Variants in CDC25B observed in about 807,000 individuals in gnomAD.
CDC25B encodes cell division cycle 25B.
CDC25B carries 33 observed loss-of-function variants against 69.8 expected under a neutral mutation model. The observed-to-expected ratio is 0.47, with a 90% CI of 0.36 to 0.63. CDC25B has a LOEUF of 0.63. Among genes scored for constraint, CDC25B ranks in the 30% least tolerant of loss-of-function variants. The pLI, the probability that CDC25B is intolerant of heterozygous loss-of-function variation, is 0.00. For synonymous variants in CDC25B, 341 were observed against 314.6 expected (o/e 1.08, Z -0.89); for missense variants, 727 against 809.1 (o/e 0.90, Z 1.23).
chr20:3,786,969 T>C, exon 1 of CDC25B: 1 of 532,618 alleles, frequency 1.9e-6, no homozygotes, highest in Non-Finnish European at 3.2e-6. Context: ...GGTGCATCGC[T>C]ACTGCGCCCG....
intron 3 of CDC25B, among the ~76,000 whole-genome samples, chr20:3,798,680 G>A (rs143265821): frequency 2.0e-5 from 3 of 152,326 alleles, no homozygotes; most frequent in East Asian, 3.9e-4. Context: ...CCAACCGAGT[G>A]TGGGCTCAGG....
In CDC25B at chr20:3,796,365, GCAT is replaced by G; in HGVS notation, c.-165_-163del. ...GCGTCCCTCGCCCCCCGCCCTCCCC[GCAT>G]CCCTCTCCTCCCTCGCGCCTGGCCC... On this transcript the variant is annotated 5_prime_UTR_variant, in exon 1 of 16. Coordinates refer to ENST00000245960, the MANE Select transcript of CDC25B (RefSeq NM_021873.4). 2.7e-6 allele frequency: 2 copies of G among 730,256 alleles called. No individual in the cohort carries two copies. The highest frequency in any genetic ancestry group is 3.2e-6 in the Non-Finnish European group (2 of 629,410). The allele number at this position is 730,256 out of a possible 1,614,324, so 45.2% of individuals were successfully genotyped here. A position where few individuals can be genotyped will look rare whatever the true frequency, so the allele number is the denominator to read the frequency against.
chr20:3,799,525 T>TGTGC lies in CDC25B; in HGVS notation c.381-762_381-761insTGCG, dbSNP rs1211874383. Among the ~76,000 whole-genome samples the TGTGC allele has an allele frequency of 8.6e-3, 590 of 68,702 alleles. 6 individuals are homozygous for TGTGC. Among genetic ancestry groups the TGTGC allele is most frequent in the Middle Eastern group, 0.079 (10 of 126 alleles). 45.1% of individuals were successfully genotyped at this position (68,702 alleles called of 152,430 possible). A position where few individuals can be genotyped will look rare whatever the true frequency, so the allele number is the denominator to read the frequency against. On this transcript the variant is annotated intron_variant, in intron 3 of 15. Coordinates refer to ENST00000245960, the MANE Select transcript of CDC25B (RefSeq NM_021873.4). ...GTGTGTGTGTGTGTGTGTGTGTGTG[T>TGTGC]GCGCGCGCGCGCGTAGATGCACAAA... is the stretch of plus-strand genomic sequence containing the variant.
chr20:3,796,462 C>T lies in CDC25B; in HGVS notation c.-70C>T. On this transcript the variant is annotated 5_prime_UTR_variant, in exon 1 of 16. Coordinates refer to ENST00000245960, the MANE Select transcript of CDC25B (RefSeq NM_021873.4). Reference sequence around the variant, plus strand: ...CGCCCGCTGCCTCCCTCGGCCCAGCCAGCTGTGCCGGCGTTTGTTGGCTGC... The same window carrying T: ...CGCCCGCTGCCTCCCTCGGCCCAGCTAGCTGTGCCGGCGTTTGTTGGCTGC... 7.4e-6 allele frequency: 9 copies of T among 1,211,586 alleles called. No individual in the cohort carries two copies. The highest frequency in any genetic ancestry group is 9.4e-6 in the Non-Finnish European group (9 of 962,132). 75.1% of individuals were successfully genotyped at this position (1,211,586 alleles called of 1,614,324 possible).
chr20:3,801,225 A>AG, intron 7 of CDC25B, 29 bp from the exon 8 acceptor site: 2 of 1,611,210 alleles, frequency 1.2e-6, no homozygotes, highest in Non-Finnish European at 1.7e-6. Context: ...CTCCACCTCT[A>AG]AGTCTGTGTC....
At chr20:3,795,243 C>T (rs560458376), upstream of CDC25B, among the ~76,000 whole-genome samples, 3 of 152,204 alleles carry the variant, frequency 2.0e-5, no homozygotes, top group African/African-American at 7.2e-5. Context: ...CTCCTGTAGT[C>T]TCAGCTACTC....
intron 8 of CDC25B, 46 bp from the exon 9 acceptor site, chr20:3,801,676 C>T (rs777285709): frequency 3.4e-6 from 5 of 1,459,730 alleles, no homozygotes; most frequent in Non-Finnish European, 2.8e-6. Context: ...AGGGGTTTGG[C>T]CTATGCCTGT....
At chr20:3,798,162 G>A (rs996358437) in intron 2 of CDC25B, among the ~76,000 whole-genome samples, 2 of 152,156 alleles carry the variant, frequency 1.3e-5, no homozygotes, top group Non-Finnish European at 2.9e-5. Flanking sequence ...AATGCTTAGT[G>A]AGCATTGTGG....
chr20:3,800,918 G>A, intron 6 of CDC25B, 53 bp downstream of exon 6: 3 of 1,612,330 alleles, frequency 1.9e-6, no homozygotes, highest in Non-Finnish European at 2.5e-6. Flanking sequence ...GAGGGGGCAT[G>A]CTGGGGTGGT....
At chr20:3,798,268 G>C in intron 2 of CDC25B, 144 bp from the exon 3 acceptor site, 1 of 490,712 alleles carries the variant, frequency 2.0e-6, no homozygotes, top group Non-Finnish European at 3.5e-6. Flanking sequence ...GTCCATGGTT[G>C]GGTTTTTGTT....
chr20:3,805,916 T>C lies in CDC25B; in HGVS notation c.*955T>C. On this transcript the variant is annotated 3_prime_UTR_variant, in exon 16 of 16. Transcript: ENST00000245960. ...TGACAGCCTGCAGCAGGAATATATG[T>C]GTGCCTATTTGTGTGGACAAAAATA... The C allele has an allele frequency of 5.0e-6, 2 of 403,230 alleles. No homozygotes were observed. Among genetic ancestry groups the C allele is most frequent in the East Asian group, 7.1e-5 (2 of 28,286 alleles). The allele number at this position is 403,230 out of a possible 1,614,324, so 25.0% of individuals were successfully genotyped here. A position where few individuals can be genotyped will look rare whatever the true frequency, so the allele number is the denominator to read the frequency against.
chr20:3,789,664 C>A (rs2088879928), intron 1 of CDC25B, among the ~76,000 whole-genome samples: 1 of 138,006 alleles, frequency 7.2e-6, no homozygotes, highest in Admixed American at 7.4e-5. Context: ...AGCCACCTCA[C>A]CCGGCCAAAA....
chr20:3,797,910 A>G (rs961446185), intron 2 of CDC25B, among the ~76,000 whole-genome samples, 161 bp downstream of exon 2: 1 of 152,120 alleles, frequency 6.6e-6, no homozygotes, highest in Admixed American at 6.5e-5. Flanking sequence ...GGAGGAAGAC[A>G]CACCTCTTGT....
chr20:3,791,757 A>C (rs2088918085), upstream of CDC25B, among the ~76,000 whole-genome samples: 1 of 152,234 alleles, frequency 6.6e-6, no homozygotes, highest in African/African-American at 2.4e-5. Context: ...TAGATAGCAC[A>C]CAGACACATA....
chr20:3,796,145 T>C, upstream of CDC25B: 1 of 1,101,576 alleles, frequency 9.1e-7, no homozygotes, highest in Non-Finnish European at 1.1e-6. Flanking sequence ...TCTTAATTCC[T>C]CCGGCCCACC....
At chr20:3,789,610 A>C (rs2088879349) in intron 1 of CDC25B, among the ~76,000 whole-genome samples, 1 of 152,140 alleles carries the variant, frequency 6.6e-6, no homozygotes, top group Non-Finnish European at 1.5e-5. Flanking sequence ...ACCTCAAGTG[A>C]TCTGCCTACC....
Position 3,796,424 on chromosome 20 carries a change from C to CT in CDC25B, c.-108_-107insT, listed in dbSNP as rs1367296477. On this transcript the variant is annotated 5_prime_UTR_variant, in exon 1 of 16. Coordinates refer to ENST00000245960, the MANE Select transcript of CDC25B (RefSeq NM_021873.4). Reference sequence around the variant, plus strand: ...CTCTTCCTCCCTCCCTCCTTCCCCCCCCCCCCACCCCTCGCCCGCTGCCTC... The same window carrying CT: ...CTCTTCCTCCCTCCCTCCTTCCCCCCTCCCCCCACCCCTCGCCCGCTGCCTC... 1.6e-4 allele frequency: 29 copies of CT among 181,018 alleles called. No individual in the cohort carries two copies. The highest frequency in any genetic ancestry group is 2.7e-4 in the Non-Finnish European group (27 of 100,304). The allele number at this position is 181,018 out of a possible 1,614,324, so 11.2% of individuals were successfully genotyped here. A position where few individuals can be genotyped will look rare whatever the true frequency, so the allele number is the denominator to read the frequency against.
Position 3,803,027 on chromosome 20 carries a change from G to A in CDC25B, c.1257+55G>A. 10 of 1,599,984 alleles carry A rather than the reference G, an allele frequency of 6.3e-6. No individual in the cohort carries two copies. The highest frequency in any genetic ancestry group is 8.6e-6 in the Non-Finnish European group (10 of 1,167,092). On this transcript the variant is annotated intron_variant, in intron 12 of 15. Transcript: ENST00000245960. This position sits in a 1 kb window ranked among gnomAD's most constrained non-coding sequence, Gnocchi z 4.9. ...GATTTGGGACTGTAGCTCCATTGTT[G>A]ACCTTCCCTGGGGACAGGCTAGGGC...
In CDC25B at chr20:3,802,346, C is replaced by T; in HGVS notation, c.1164C>T (p.Asp388=). ...HDEIENLLDS[D]HRELIGDYSK... ...AGATCGAGAACCTCCTGGACAGTGA[C>T]CACCGAGAGCTGATTGGAGATTACT... Residue 388 remains aspartate, a synonymous_variant, in exon 11 of 16, where the codon GAC becomes GAT. Transcript: ENST00000245960. The T allele has an allele frequency of 1.9e-6, 3 of 1,607,658 alleles. No individual in the cohort carries two copies. The highest frequency in any genetic ancestry group is 3.3e-4 in the Middle Eastern group (2 of 6,060).
Sources: gnomAD v4.1 joint callset for allele counts (sites outside exome capture counted in the v4.1 genomes callset) on GRCh38, gnomAD v4.1.1 for gene constraint, Gnocchi (gnomAD v3.1) non-coding constraint, MANE v1.5 for transcripts, NCBI Gene and HGNC (gene_info 2026-07-23, HGNC 2026-07-21) for gene names.